Variants in DZIP3 observed in about 807,000 individuals in gnomAD.
DZIP3 encodes the protein E3 ubiquitin-protein ligase DZIP3.
A neutral mutation model predicts 162.0 loss-of-function variants in DZIP3; 118 were observed. The observed-to-expected ratio is 0.73, with a 90% CI of 0.63 to 0.85. DZIP3 has a LOEUF of 0.85. Among genes scored for constraint, DZIP3 ranks in the 40% least tolerant of loss-of-function variants. DZIP3 has a pLI of 0.00. For synonymous variants in DZIP3, 438 were observed against 458.6 expected, an observed-to-expected ratio of 0.96 and a Z score of 0.57; for missense variants, 1,331 against 1,407.0, an observed-to-expected ratio of 0.95 and a Z score of 0.86.
chr3:108,687,712 T>C (rs909824482), intron 28 of DZIP3, among the ~76,000 whole-genome samples: 1 of 152,266 alleles, frequency 6.6e-6, no homozygotes, highest in Admixed American at 6.5e-5. Context: ...CGAAGTCTCT[T>C]TTTGGAAAGA....
intron 27 of DZIP3, among the ~76,000 whole-genome samples, chr3:108,684,633 T>G (rs548350476): frequency 6.6e-6 from 1 of 152,328 alleles, no homozygotes; most frequent in African/African-American, 2.4e-5. Flanking sequence ...TAAATTGACA[T>G]TTTTAATAGA....
At chr3:108,603,611 A>G (rs1455586691) in intron 1 of DZIP3, among the ~76,000 whole-genome samples, 1 of 152,232 alleles carries the variant, frequency 6.6e-6, no homozygotes, top group Non-Finnish European at 1.5e-5. Flanking sequence ...GATGAGCAAG[A>G]AATTAAGAGA....
intron 1 of DZIP3, among the ~76,000 whole-genome samples, chr3:108,594,690 C>T (rs1318289815): frequency 2.0e-5 from 3 of 151,798 alleles, no homozygotes; most frequent in East Asian, 1.9e-4. Flanking sequence ...TAAGAATATG[C>T]GGTATTTGAT....
At chr3:108,596,986 A>G (rs928308756) in intron 1 of DZIP3, among the ~76,000 whole-genome samples, 3 of 152,216 alleles carry the variant, frequency 2.0e-5, no homozygotes, top group Non-Finnish European at 2.9e-5. Context: ...CATGTGCCCA[A>G]TATAGCTAAA....
chr3:108,675,926 A>G, intron 25 of DZIP3, 53 bp downstream of exon 25: 1 of 1,479,020 alleles, frequency 6.8e-7, no homozygotes, highest in South Asian at 1.2e-5. Context: ...TAGGTGGTGT[A>G]AAGTTAGAAG....
chr3:108,662,308 A>G (rs968365867), intron 21 of DZIP3, 51 bp downstream of exon 21: 6 of 1,538,392 alleles, frequency 3.9e-6, no homozygotes, highest in Non-Finnish European at 5.2e-6. Context: ...AATAAACAGT[A>G]TCTTTAATAG....
intron 19 of DZIP3, among the ~76,000 whole-genome samples, chr3:108,655,562 C>T (rs1943069879): frequency 6.6e-6 from 1 of 152,082 alleles, no homozygotes; most frequent in African/African-American, 2.4e-5. Flanking sequence ...CTACAGCTCC[C>T]ACCGTGAGCG....
intron 23 of DZIP3, among the ~76,000 whole-genome samples, chr3:108,673,538 A>AG (rs1943999398): frequency 6.6e-6 from 1 of 151,978 alleles, no homozygotes; most frequent in Non-Finnish European, 1.5e-5. Context: ...GTAGTAAAAA[A>AG]CAGAGGCTAA....
chr3:108,638,703 C>T (rs552884265), intron 12 of DZIP3, among the ~76,000 whole-genome samples: 76 of 152,290 alleles, frequency 5.0e-4, no homozygotes, highest in African/African-American at 1.8e-3. Context: ...CATTATTTCT[C>T]GTTTGAAATT....
chr3:108,625,942 G>A lies in DZIP3; in HGVS notation c.554G>A (p.Arg185His), dbSNP rs137935085. 49 of 1,613,338 alleles carry A rather than the reference G, an allele frequency of 3.0e-5. No homozygotes were observed. The highest frequency in any genetic ancestry group is 1.6e-4 in the Middle Eastern group (1 of 6,076). ...ENFMSLVYFG[R>H]GLLRCAQKRY... ...TTTATGTCTTTAGTTTATTTTGGAC[G>A]TGGTTTACTGCGATGTGCTCAAAAG... Residue 185 changes from arginine to histidine, a missense_variant, in exon 7 of 33, where the codon CGT becomes CAT. Arg to His is a conservative substitution (Grantham distance 29). Coordinates refer to ENST00000361582, the MANE Select transcript of DZIP3 (RefSeq NM_014648.4).
chr3:108,646,519 A>T (rs1942627596), intron 14 of DZIP3, 98 bp from the exon 15 acceptor site: 1 of 837,424 alleles, frequency 1.2e-6, no homozygotes, highest in South Asian at 1.4e-5. Flanking sequence ...TACAGAATAA[A>T]TTGGTGCAAT....
intron 28 of DZIP3, 23 bp downstream of exon 28, chr3:108,686,607 G>T: frequency 6.3e-7 from 1 of 1,579,308 alleles, no homozygotes; most frequent in Admixed American, 1.9e-5. Context: ...TTATTTATTG[G>T]TGGGTACAGA....
At chr3:108,646,682 A>T in intron 15 of DZIP3, 33 bp downstream of exon 15, 1 of 1,436,866 alleles carries the variant, frequency 7.0e-7, no homozygotes, top group Non-Finnish European at 9.5e-7. Context: ...TGTGTAAATG[A>T]CTTTTTAACA....
chr3:108,677,882 AAAT>A (rs1944168835), intron 26 of DZIP3, among the ~76,000 whole-genome samples: 1 of 152,056 alleles, frequency 6.6e-6, no homozygotes, highest in South Asian at 2.1e-4. Flanking sequence ...TGTGGGAGCT[AAAT>A]AATGAATACT....
chr3:108,687,627 T>A (rs1944543559), intron 28 of DZIP3, among the ~76,000 whole-genome samples: 1 of 152,162 alleles, frequency 6.6e-6, no homozygotes, highest in Non-Finnish European at 1.5e-5. Context: ...AAGAAACCAC[T>A]TGAGAGATGG....
At chr3:108,690,048 C>G (rs1442324843) in intron 31 of DZIP3, among the ~76,000 whole-genome samples, 2 of 152,122 alleles carry the variant, frequency 1.3e-5, no homozygotes, top group Non-Finnish European at 2.9e-5. Context: ...ATTGACTTTC[C>G]CCTTTGAAGT....
At chr3:108,667,116 T>A (rs1344785896) in intron 21 of DZIP3, among the ~76,000 whole-genome samples, 1 of 151,248 alleles carries the variant, frequency 6.6e-6, no homozygotes, top group Non-Finnish European at 1.5e-5. Context: ...ACCCAGGAGT[T>A]ACAGTTCAGC....
rs543918299 is a variant in DZIP3, at chr3:108,681,788, G to C, written c.2884-2428G>C. ...TGTTCATATCCTTTGCAGGGACATG[G>C]ATGAAGTTAGAAGTCACCACTCTCA... On this transcript the variant is annotated intron_variant, in intron 26 of 32. Coordinates refer to ENST00000361582, the MANE Select transcript of DZIP3 (RefSeq NM_014648.4). Among the ~76,000 whole-genome samples the C allele has an allele frequency of 1.2e-3, 172 of 144,712 alleles. 13 individuals are homozygous for C. Among genetic ancestry groups the C allele is most frequent in the African/African-American group, 4.8e-3 (165 of 34,450 alleles). The allele number at this position is 144,712 out of a possible 152,430, so 94.9% of individuals were successfully genotyped here. A position where few individuals can be genotyped will look rare whatever the true frequency, so the allele number is the denominator to read the frequency against.
In DZIP3 at chr3:108,634,954, TC is replaced by T; in HGVS notation, c.902del (p.Pro301GlnfsTer14). The T allele has an allele frequency of 6.2e-7, 1 of 1,604,406 alleles. No homozygotes were observed. Among genetic ancestry groups the T allele is most frequent in the Non-Finnish European group, 8.5e-7 (1 of 1,172,638 alleles). ...CWKKFKNLKY[P>X]GENDQSFSGK... ...GGAAAAAGTTCAAGAATTTAAAGTA[TC>T]CAGGTGAAAATGATCAGGTATTATA... On this transcript the variant is annotated frameshift_variant, in exon 10 of 33. Transcript: ENST00000361582. LOFTEE classifies it high-confidence loss of function.
Sources: allele counts gnomAD v4.1 joint callset (sites outside exome capture counted in the v4.1 genomes callset), GRCh38; gene constraint gnomAD v4.1.1; transcripts MANE v1.5; gene names NCBI Gene and HGNC (gene_info 2026-07-23, HGNC 2026-07-21).